The following DCDC1 variants were observed in gnomAD, a reference collection of about 807,000 sequenced individuals.
DCDC1 encodes the protein doublecortin domain-containing protein 1.
Under a neutral mutation model 178.3 loss-of-function variants are expected in DCDC1, and 200 were observed. The ratio of observed to expected loss-of-function variants is 1.12; its 90% CI spans 1.00 to 1.26. The LOEUF (loss-of-function observed/expected upper bound fraction) is 1.26. DCDC1 is among the 50% of genes most tolerant of loss of function. The probability of loss-of-function intolerance (pLI) is 0.00; values close to 1 mark genes in which losing one functional copy is unlikely to be tolerated. For synonymous variants in DCDC1, 690 were observed against 604.8 expected, an observed-to-expected ratio of 1.14 and a Z score of -2.07; for missense variants, 1,983 against 1,749.2, an observed-to-expected ratio of 1.13 and a Z score of -2.38.
chr11:31,331,489 G>T (rs1209707324), intron 2 of DCDC1, among the ~76,000 whole-genome samples: 4 of 152,176 alleles, frequency 2.6e-5, no homozygotes, highest in Non-Finnish European at 5.9e-5. Flanking sequence ...TCCAGTTTTT[G>T]CCCATTCAGT....
At chr11:31,059,045 A>G (rs1263620579) in intron 20 of DCDC1, among the ~76,000 whole-genome samples, 1 of 152,134 alleles carries the variant, frequency 6.6e-6, no homozygotes, top group Non-Finnish European at 1.5e-5. Context: ...TACAACAGAA[A>G]AATAAATAGT....
intron 7 of DCDC1, among the ~76,000 whole-genome samples, chr11:31,271,981 T>C (rs543915322): frequency 6.6e-6 from 1 of 152,022 alleles, no homozygotes; most frequent in Admixed American, 6.6e-5. Flanking sequence ...GCCAACATGG[T>C]TGATTCCCCA....
At chr11:31,187,592 C>A (rs1371376189) in intron 9 of DCDC1, among the ~76,000 whole-genome samples, 1 of 152,008 alleles carries the variant, frequency 6.6e-6, no homozygotes, top group Non-Finnish European at 1.5e-5. Context: ...TGTTAGAAAA[C>A]CAAAAAGAAA....
chr11:31,149,629 A>G (rs185726733), intron 9 of DCDC1, among the ~76,000 whole-genome samples: 7 of 152,228 alleles, frequency 4.6e-5, no homozygotes, highest in African/African-American at 1.7e-4. Context: ...TTTATGAGCC[A>G]TAACACTCAC....
chr11:31,177,634 C>T (rs774103967), intron 9 of DCDC1, among the ~76,000 whole-genome samples: 1 of 152,000 alleles, frequency 6.6e-6, no homozygotes, highest in Non-Finnish European at 1.5e-5. Flanking sequence ...ATGAGACTCG[C>T]CTCACAGTTA....
At chr11:30,888,930 C>A (rs1943545491) in intron 36 of DCDC1, among the ~76,000 whole-genome samples, 1 of 152,206 alleles carries the variant, frequency 6.6e-6, no homozygotes, top group Non-Finnish European at 1.5e-5. Context: ...TAGACCAGGT[C>A]TCCTCAGGTG....
intron 34 of DCDC1, 106 bp downstream of exon 34, chr11:30,899,435 T>C (rs1489433050): frequency 4.5e-5 from 21 of 465,504 alleles, no homozygotes; most frequent in Non-Finnish European, 7.6e-5. Flanking sequence ...TTGTTTTATA[T>C]AGTACTCTTT....
At chr11:30,899,699 T>C in intron 33 of DCDC1, 57 bp from the exon 34 acceptor site, 2 of 1,211,604 alleles carry the variant, frequency 1.7e-6, no homozygotes, top group Non-Finnish European at 2.2e-6. Flanking sequence ...CGCGCACCAA[T>C]AATTTATAAA....
intron 9 of DCDC1, among the ~76,000 whole-genome samples, chr11:31,194,950 C>G (rs1970518522): frequency 6.6e-6 from 1 of 152,172 alleles, no homozygotes; most frequent in Admixed American, 6.6e-5. Flanking sequence ...AAAAATCTCA[C>G]CCTGTGGCTT....
intron 17 of DCDC1, among the ~76,000 whole-genome samples, chr11:31,084,127 T>C (rs1957345557): frequency 6.6e-6 from 1 of 151,806 alleles, no homozygotes; most frequent in South Asian, 2.1e-4. Context: ...CTATATTGAA[T>C]AAGAATAAGA....
chr11:31,225,383 G>A (rs1974795172), intron 9 of DCDC1, among the ~76,000 whole-genome samples: 1 of 148,034 alleles, frequency 6.8e-6, no homozygotes. Context: ...AAGTTGGGGG[G>A]GAGTGAAGGT....
intron 1 of DCDC1, among the ~76,000 whole-genome samples, chr11:31,356,345 A>C (rs1951360561): frequency 6.6e-6 from 1 of 152,236 alleles, no homozygotes; most frequent in South Asian, 2.1e-4. Flanking sequence ...TACTGGGTAC[A>C]TAACGAAATG....
intron 9 of DCDC1, among the ~76,000 whole-genome samples, chr11:31,173,072 T>C (rs1043522723): frequency 1.3e-5 from 2 of 152,208 alleles, no homozygotes; most frequent in Non-Finnish European, 2.9e-5. Context: ...GAAAAACAGA[T>C]GACCTCGAGG....
In DCDC1 at chr11:31,327,194, G is replaced by GT. The variant is rs577033501; in HGVS notation, c.164+922dup. ...TGTTTTGTTTTGTTTTTTAGACAGA[G>GT]TTTCGCTCTTGTTACCCAGGCTGGA... On this transcript the variant is annotated intron_variant, in intron 3 of 38. Transcript: ENST00000684477. 1.8e-3 allele frequency among the ~76,000 whole-genome samples: 276 copies of GT among 152,222 alleles called. 1 individual carries two copies. The highest frequency in any genetic ancestry group is 2.3e-3 in the Non-Finnish European group (156 of 67,996).
chr11:31,132,688 A>G (rs1962597513), intron 10 of DCDC1, among the ~76,000 whole-genome samples: 1 of 152,156 alleles, frequency 6.6e-6, no homozygotes, highest in South Asian at 2.1e-4. Flanking sequence ...TTCCCTTTAA[A>G]CATTATCTGA....
intron 20 of DCDC1, among the ~76,000 whole-genome samples, chr11:31,020,667 C>T (rs909546514): frequency 6.6e-6 from 1 of 152,152 alleles, no homozygotes; most frequent in South Asian, 2.1e-4. Context: ...GAACTCCTGG[C>T]CTCAAGCCAT....
chr11:31,322,749 C>T (rs1276473224), intron 3 of DCDC1, among the ~76,000 whole-genome samples: 1 of 152,166 alleles, frequency 6.6e-6, no homozygotes, highest in East Asian at 1.9e-4. Flanking sequence ...TTTGATAACA[C>T]TGCTGAACTG....
intron 9 of DCDC1, among the ~76,000 whole-genome samples, chr11:31,161,730 T>C (rs1390406167): frequency 6.6e-6 from 1 of 152,222 alleles, no homozygotes; most frequent in Non-Finnish European, 1.5e-5. Flanking sequence ...AGAAGTCATA[T>C]ACAAGCAGTG....
intron 20 of DCDC1, among the ~76,000 whole-genome samples, chr11:31,013,428 A>G (rs1952289912): frequency 6.6e-6 from 1 of 152,184 alleles, no homozygotes. Context: ...ATGTCTACAC[A>G]TGCATAATAA....
Sources: gnomAD v4.1 joint callset for allele counts (sites outside exome capture counted in the v4.1 genomes callset) on GRCh38, gnomAD v4.1.1 for gene constraint, MANE v1.5 for transcripts, NCBI Gene and HGNC (gene_info 2026-07-23, HGNC 2026-07-21) for gene names.